Variants in SCN1A observed in about 807,000 individuals in gnomAD.
SCN1A encodes the protein sodium voltage-gated channel alpha subunit 1.
Under a neutral mutation model 193.7 loss-of-function variants are expected in SCN1A, and 13 were observed. That is an observed-to-expected ratio of 0.07 (90% CI 0.04 to 0.11). SCN1A has a LOEUF of 0.11. Ranked by LOEUF, SCN1A falls within the 10% of genes least tolerant of loss-of-function variation. The probability of loss-of-function intolerance (pLI) is 1.00; values close to 1 mark genes in which losing one functional copy is unlikely to be tolerated. For synonymous variants in SCN1A, 781 were observed against 843.6 expected, an observed-to-expected ratio of 0.93 and a Z score of 1.29; for missense variants, 1,432 against 2,451.1, an observed-to-expected ratio of 0.58 and a Z score of 8.78.
At chr2:166,018,378 G>A (rs35473641) in intron 19 of SCN1A, among the ~76,000 whole-genome samples, 3,126 of 151,898 alleles carry the variant, frequency 0.021, 42 homozygotes, top group Non-Finnish European at 0.031. Flanking sequence ...TGAAAATTAC[G>A]AGAACCCAAA....
In SCN1A at chr2:165,990,000, T is replaced by C. The variant is rs1452711876; in HGVS notation, c.*1245A>G. 1 of 152,624 alleles carries C rather than the reference T, an allele frequency of 6.6e-6. No individual in the cohort carries two copies. The highest frequency in any genetic ancestry group is 1.5e-5 in the Non-Finnish European group (1 of 68,030). The allele number at this position is 152,624 out of a possible 1,614,324, so 9.5% of individuals were successfully genotyped here. A position where few individuals can be genotyped will look rare whatever the true frequency, so the allele number is the denominator to read the frequency against. ...AATGACTTAAATAAATGAGATCTGT[T>C]GAACAATTTCCTTGACTTTACCACT... On this transcript the variant is annotated 3_prime_UTR_variant, in exon 29 of 29. Coordinates refer to ENST00000674923, the MANE Select transcript of SCN1A (RefSeq NM_001165963.4).
At chr2:166,076,138 A>G (rs1173757101) in intron 3 of SCN1A, among the ~76,000 whole-genome samples, 2 of 151,926 alleles carry the variant, frequency 1.3e-5, no homozygotes, top group Non-Finnish European at 2.9e-5. Context: ...GATTTAATTA[A>G]AAATGTTAAA....
At chr2:166,100,461 C>T (rs1172872528) in intron 2 of SCN1A, among the ~76,000 whole-genome samples, 13 of 151,646 alleles carry the variant, frequency 8.6e-5, no homozygotes, top group African/African-American at 2.4e-4. Context: ...GGGCAAGGAC[C>T]TCATGTCCAA....
intron 5 of SCN1A, 45 bp downstream of exon 5, chr2:166,058,525 A>G (rs200415656): frequency 9.0e-7 from 1 of 1,108,746 alleles, no homozygotes; most frequent in Non-Finnish European, 1.4e-6. Flanking sequence ...AAGTGCTTAC[A>G]GATCATGTAC....
At position 166,051,971 on chromosome 2, in the gene SCN1A, C is replaced by T. The variant is rs1237892407; in HGVS notation, c.712G>A (p.Gly238Arg). ...SVIPGLKTIVGALIQSVKKLS... is the reference protein window; with the variant it reads ...SVIPGLKTIVRALIQSVKKLS... ...TTCTTCACAGACTGGATCAGGGCTC[C>T]CACAATGGTTTTCAGGCCTGAAAGA... The change falls in exon 9 of 29, where the codon GGA becomes AGA. Residue 238 changes from glycine to arginine, a missense_variant. By Grantham distance (125) the Gly-to-Arg change is moderately radical. Around this residue, in one of 18 missense-constraint regions of SCN1A, gnomAD observed 123 missense variants for 282.8 expected, o/e 0.43. Coordinates refer to ENST00000674923, the MANE Select transcript of SCN1A (RefSeq NM_001165963.4). 9.3e-6 allele frequency: 15 copies of T among 1,611,384 alleles called. No homozygotes were observed. The highest frequency in any genetic ancestry group is 6.8e-6 in the Non-Finnish European group (8 of 1,178,404).
intron 2 of SCN1A, among the ~76,000 whole-genome samples, chr2:166,112,401 A>G (rs748421565): frequency 6.6e-6 from 1 of 152,190 alleles, no homozygotes; most frequent in Non-Finnish European, 1.5e-5. Context: ...TTTTTTCAAC[A>G]TAATACTATC....
chr2:166,024,598 T>C (rs1559168907), intron 19 of SCN1A, among the ~76,000 whole-genome samples: 1 of 152,212 alleles, frequency 6.6e-6, no homozygotes, highest in Non-Finnish European at 1.5e-5. Context: ...TTGATAACAA[T>C]TAGGAGTAAT....
chr2:166,139,957 CTAAGAATAATTT>C (rs1209194335), intron 1 of SCN1A, among the ~76,000 whole-genome samples: 1 of 151,932 alleles, frequency 6.6e-6, no homozygotes, highest in African/African-American at 2.4e-5. Flanking sequence ...TAGATAAATT[CTAAGAATAATTT>C]TAGAATAATA....
intron 1 of SCN1A, among the ~76,000 whole-genome samples, chr2:166,140,935 G>A (rs1374726662): frequency 6.6e-6 from 1 of 152,044 alleles, no homozygotes; most frequent in African/African-American, 2.4e-5. Flanking sequence ...TGAAAATGTG[G>A]ACTCTTTGGC....
intron 19 of SCN1A, among the ~76,000 whole-genome samples, chr2:166,023,518 G>T (rs1694341400): frequency 6.6e-6 from 1 of 152,180 alleles, no homozygotes; most frequent in Non-Finnish European, 1.5e-5. Context: ...CTATGACTTT[G>T]TAGTGTTTGA....
chr2:166,011,701 G>T (rs182886481), intron 22 of SCN1A, among the ~76,000 whole-genome samples: 1 of 151,152 alleles, frequency 6.6e-6, no homozygotes, highest in East Asian at 2.0e-4. Flanking sequence ...CAAGTTGGGG[G>T]TCAAGAGTTT....
chr2:166,041,337 A>G lies in SCN1A; in HGVS notation c.2309T>C (p.Val770Ala). The G allele has an allele frequency of 6.2e-7, 1 of 1,613,888 alleles. No homozygotes were observed. Among genetic ancestry groups the G allele is most frequent in the Non-Finnish European group, 8.5e-7 (1 of 1,179,764 alleles). The change falls in exon 16 of 29, where the codon GTT (valine) becomes GCT (alanine). Residue 770 changes from valine (V) to alanine (A), a missense_variant. This residue lies in a region of SCN1A where 316 missense variants were observed against 362.1 expected (regional missense o/e 0.87). Transcript: ENST00000674923. ...VVNLVVMDPF[V>A]DLAITICIVL... Reference sequence around the variant, plus strand: ...AATACAGATGGTGATGGCCAGGTCAACAAATGGGTCCATCACAACCAGGTT... The same window carrying G: ...AATACAGATGGTGATGGCCAGGTCAGCAAATGGGTCCATCACAACCAGGTT...
chr2:166,004,771 T>C (rs1315483339), intron 23 of SCN1A, among the ~76,000 whole-genome samples: 4 of 151,436 alleles, frequency 2.6e-5, no homozygotes, highest in African/African-American at 9.7e-5. Context: ...CCATTTACAT[T>C]GAAATTCCTT....
rs57488795 is a variant in SCN1A, at chr2:166,123,223, C to CAAAAAAAAAAAAAAAAAAA, written c.-142+3682_-142+3700dup. On this transcript the variant is annotated intron_variant, in intron 2 of 28. Transcript: ENST00000674923. Reference sequence around the variant, plus strand: ...AATCACATTCCTACTCATTCATTTGCAAAAAAAAAAAAAAAAAAAAAAAAA... The same window carrying CAAAAAAAAAAAAAAAAAAA: ...AATCACATTCCTACTCATTCATTTGCAAAAAAAAAAAAAAAAAAAAAAAAAAAAAAAAAAAAAAAAAAAA... Among the ~76,000 whole-genome samples, 6 of 116,410 alleles carry CAAAAAAAAAAAAAAAAAAA rather than the reference C, an allele frequency of 5.2e-5. 1 individual carries two copies. The highest frequency in any genetic ancestry group is 5.0e-4 in the East Asian group (2 of 3,974). The allele number at this position is 116,410 out of a possible 152,430, so 76.4% of individuals were successfully genotyped here.
intron 7 of SCN1A, among the ~76,000 whole-genome samples, chr2:166,054,006 AAAGGAAAG>A (rs78072801): frequency 0.19 from 29,037 of 151,842 alleles, 2,950 homozygotes; most frequent in East Asian, 0.27. Flanking sequence ...GAGAGCCATA[AAAGGAAAG>A]AAGAAAAGAA....
chr2:165,985,305 G>T (rs1002063752), downstream of SCN1A: 2 of 150,110 alleles, frequency 1.3e-5, no homozygotes, highest in African/African-American at 4.9e-5. Context: ...AAGGAAGGGA[G>T]AGAGGGAGGA....
chr2:166,102,891 C>G (rs1304574746), intron 2 of SCN1A, among the ~76,000 whole-genome samples: 3 of 152,138 alleles, frequency 2.0e-5, no homozygotes, highest in Non-Finnish European at 4.4e-5. Flanking sequence ...AAAGCATGTC[C>G]TTTGAAGCAA....
intron 17 of SCN1A, 83 bp downstream of exon 17, chr2:166,039,340 C>CA (rs1012371404): frequency 1.6e-5 from 22 of 1,418,362 alleles, no homozygotes; most frequent in African/African-American, 1.2e-4. Context: ...GGTTGTGTGG[C>CA]AAAAAAACTA....
In SCN1A at chr2:166,048,900, A is replaced by G; in HGVS notation, c.1014T>C (p.Asn338=). Residue 338 remains asparagine (N), a synonymous_variant, in exon 10 of 29, where the codon AAT becomes AAC. Transcript: ENST00000674923. ...TATTGACTTACCCTGCATCAGAGCT[A>G]TTTCCACATAGTAGTGCATCTAAAA... The part of the protein sequence containing the change: ...EGFLDALLCG[N]SSDAGQCPEG... The G allele has an allele frequency of 6.2e-7, 1 of 1,604,466 alleles. No individual in the cohort carries two copies. The highest frequency in any genetic ancestry group is 8.5e-7 in the Non-Finnish European group (1 of 1,171,754).
Sources: gnomAD v4.1 joint callset for allele counts (sites outside exome capture counted in the v4.1 genomes callset) on GRCh38, gnomAD v4.1.1 for gene constraint, gnomAD v4.1.1 regional missense constraint, MANE v1.5 for transcripts, NCBI Gene and HGNC (gene_info 2026-07-23, HGNC 2026-07-21) for gene names.